The following PDE3A variants were observed in gnomAD, a reference collection of about 807,000 sequenced individuals.
The protein encoded by PDE3A is phosphodiesterase 3A.
PDE3A carries 43 observed loss-of-function variants against 98.3 expected under a neutral mutation model. That is an observed-to-expected ratio of 0.44 (90% confidence interval 0.34 to 0.56). PDE3A has a LOEUF of 0.56. Among genes scored for constraint, PDE3A ranks in the 20% least tolerant of loss-of-function variants. The pLI, the probability that PDE3A is intolerant of heterozygous loss-of-function variation, is 0.01. For synonymous variants in PDE3A, 663 were observed against 567.9 expected (o/e 1.17, Z -2.38); for missense variants, 1,427 against 1,440.7 (o/e 0.99, Z 0.15).
chr12:20,400,369 G>T (rs1282568207), intron 1 of PDE3A, among the ~76,000 whole-genome samples: 2 of 127,472 alleles, frequency 1.6e-5, no homozygotes, highest in African/African-American at 3.3e-5. Context: ...ATGTTGACTC[G>T]TTAACATTGG....
intron 15 of PDE3A, among the ~76,000 whole-genome samples, chr12:20,673,255 C>A (rs1349486937): frequency 6.6e-6 from 1 of 151,680 alleles, no homozygotes; most frequent in Admixed American, 6.6e-5. Context: ...GTTGGTGGGA[C>A]TGTAAACTAG....
intron 2 of PDE3A, among the ~76,000 whole-genome samples, chr12:20,584,850 AC>A (rs1943152970): frequency 6.6e-6 from 1 of 152,008 alleles, no homozygotes; most frequent in Admixed American, 6.6e-5. Context: ...AAAGCAAGCT[AC>A]CTGTTTTCTG....
intron 1 of PDE3A, among the ~76,000 whole-genome samples, chr12:20,386,039 A>T (rs1402549624): frequency 1.2e-5 from 1 of 80,674 alleles, no homozygotes; most frequent in African/African-American, 5.3e-5. Flanking sequence ...AAATATATAT[A>T]AAATATATAT....
rs746541255 is a variant in PDE3A at position 20,684,585 on chromosome 12, G to A, written c.*4314G>A. Among the ~76,000 whole-genome samples, 6 of 152,164 alleles carry A rather than the reference G, an allele frequency of 3.9e-5. No individual in the cohort carries two copies. Among genetic ancestry groups the A allele is most frequent in the Non-Finnish European group, 8.8e-5 (6 of 68,030 alleles). ...GTTTATTTCATTGATCGAACAAGCA[G>A]CAACACATTTTATGACCATTGTCCT... On this transcript the variant is annotated 3_prime_UTR_variant, in exon 16 of 16. Coordinates refer to ENST00000359062, the MANE Select transcript of PDE3A (RefSeq NM_000921.5).
At chr12:20,585,238 A>C (rs978936022) in intron 2 of PDE3A, among the ~76,000 whole-genome samples, 2 of 152,198 alleles carry the variant, frequency 1.3e-5, no homozygotes, top group African/African-American at 4.8e-5. Context: ...ATCAGCAGCT[A>C]CTAATGACCT....
intron 1 of PDE3A, among the ~76,000 whole-genome samples, chr12:20,386,120 T>TAAATATAA (rs1943779945): frequency 1.3e-5 from 1 of 76,194 alleles, no homozygotes; most frequent in Non-Finnish European, 2.2e-5. Context: ...TAAATATATA[T>TAAATATAA]AAATATATAT....
intron 1 of PDE3A, among the ~76,000 whole-genome samples, chr12:20,468,197 C>G (rs1945377156): frequency 6.6e-6 from 1 of 151,984 alleles, no homozygotes; most frequent in South Asian, 2.1e-4. Context: ...ATTTCTGAGT[C>G]TTCCCTTTCA....
chr12:20,392,505 TCATAAATAAATAAATAAATAAATAAATA>T lies in PDE3A; in HGVS notation c.960+22288_960+22315del, dbSNP rs966123854. On this transcript the variant is annotated intron_variant, in intron 1 of 15. Transcript: ENST00000359062. The stretch of plus-strand genomic sequence containing the variant: ...CTGGGCAACATAGTGAGATCCTGTC[TCATAAATAAATAAATAAATAAATAAATA>T]CATAAATAAATAAATAAATAAATAA... Among the ~76,000 whole-genome samples the T allele has an allele frequency of 3.3e-4, 44 of 134,794 alleles. 1 individual carries two copies. The South Asian group carries it at 0.01, about 31-fold the overall frequency. 88.4% of individuals were successfully genotyped at this position (134,794 alleles called of 152,430 possible). A position where few individuals can be genotyped will look rare whatever the true frequency, so the allele number is the denominator to read the frequency against.
rs372016027 is a variant in PDE3A at position 20,680,190 on chromosome 12, G to A, written c.3345G>A (p.Gln1115=). 1 of 1,613,738 alleles carries A rather than the reference G, an allele frequency of 6.2e-7. No homozygotes were observed. The highest frequency in any genetic ancestry group is 2.2e-5 in the East Asian group (1 of 44,876). The change falls in exon 16 of 16, where the codon CAG becomes CAA. Residue 1115 remains glutamine, a synonymous_variant. Transcript: ENST00000359062. ...CCCCTCAGTCGCACTCTTCAGAACA[G>A]ATCCAGGCTATCAAGGAAGAAGAAG... The part of the protein sequence containing the change: ...DQTPQSHSSE[Q]IQAIKEEEEE...
chr12:20,506,128 G>GTGTGTGTC lies in PDE3A; in HGVS notation c.961-50531_961-50530insGTGTGTCT, dbSNP rs377692430. 1.3e-3 allele frequency among the ~76,000 whole-genome samples: 187 copies of GTGTGTGTC among 146,914 alleles called. 1 individual carries two copies. The highest frequency in any genetic ancestry group is 4.4e-3 in the African/African-American group (173 of 39,476). ...TGTGTGTGTGTGTGTGTGTGTGTGT[G>GTGTGTGTC]TATGTGTGTGTAGCAGGTTAAACAA... On this transcript the variant is annotated intron_variant, in intron 1 of 15. Transcript: ENST00000359062.
chr12:20,531,584 C>T (rs765495650), intron 1 of PDE3A, among the ~76,000 whole-genome samples: 6 of 151,864 alleles, frequency 4.0e-5, no homozygotes, highest in African/African-American at 1.5e-4. Flanking sequence ...CTGTCTTATA[C>T]GTTTCTGTGA....
At chr12:20,438,350 G>T (rs1450763604) in intron 1 of PDE3A, among the ~76,000 whole-genome samples, 2 of 152,090 alleles carry the variant, frequency 1.3e-5, no homozygotes, top group African/African-American at 4.8e-5. Context: ...TGTTAAGGCA[G>T]GGTTGTCAGG....
Position 20,668,364 on chromosome 12 carries a change from G to C in PDE3A, c.3185-11666G>C, listed in dbSNP as rs1169349329. On this transcript the variant is annotated intron_variant, in intron 15 of 15. Transcript: ENST00000359062. Reference sequence around the variant, plus strand: ...AGCCCACCACAGCTCAAGGAGGCCTGCCTGCCTCTGTAGGCTCCACCTCTG... The same window carrying C: ...AGCCCACCACAGCTCAAGGAGGCCTCCCTGCCTCTGTAGGCTCCACCTCTG... 3.9e-5 allele frequency among the ~76,000 whole-genome samples: 6 copies of C among 152,142 alleles called. No individual in the cohort carries two copies. The East Asian group carries it at 1.2e-3, about 29-fold the overall frequency.
Position 20,473,386 on chromosome 12 carries a change from C to A in PDE3A, c.961-83274C>A, listed in dbSNP as rs150498647. Among the ~76,000 whole-genome samples the A allele has an allele frequency of 2.2e-4, 34 of 152,248 alleles. No homozygotes were observed. In the East Asian group the frequency reaches 6.4e-3, roughly 29 times the overall value. On this transcript the variant is annotated intron_variant, in intron 1 of 15. Coordinates refer to ENST00000359062, the MANE Select transcript of PDE3A (RefSeq NM_000921.5). ...TAGATTAGAGTTGGAGCTCAGGAATCTGTATTTTCAACATGTTTCCTGGTA... is the reference window on the plus strand; with the variant it reads ...TAGATTAGAGTTGGAGCTCAGGAATATGTATTTTCAACATGTTTCCTGGTA...
Position 20,388,671 on chromosome 12 carries a change from A to C in PDE3A, c.960+18427A>C, listed in dbSNP as rs541576475. Among the ~76,000 whole-genome samples, 197 of 152,130 alleles carry C rather than the reference A, an allele frequency of 1.3e-3. 1 individual carries two copies. Among genetic ancestry groups the C allele is most frequent in the Non-Finnish European group, 2.1e-3 (146 of 67,958 alleles). ...ATGATTTTTGTTTAAAGTAATGAGC[A>C]TGTTTTCTAAAAATGAGTAATTTCT... On this transcript the variant is annotated intron_variant, in intron 1 of 15. Coordinates refer to ENST00000359062, the MANE Select transcript of PDE3A (RefSeq NM_000921.5).
chr12:20,596,068 T>A (rs949747195), intron 2 of PDE3A, among the ~76,000 whole-genome samples: 2 of 152,192 alleles, frequency 1.3e-5, no homozygotes, highest in African/African-American at 4.8e-5. Context: ...TTTGCATAGA[T>A]CTTTGTCTTA....
chr12:20,662,802 T>A (rs1945208234), intron 15 of PDE3A, among the ~76,000 whole-genome samples: 1 of 152,152 alleles, frequency 6.6e-6, no homozygotes, highest in Non-Finnish European at 1.5e-5. Flanking sequence ...AAAAACCCAT[T>A]TTTTGAGGAG....
At chr12:20,567,156 G>C (rs1217758289) in intron 2 of PDE3A, among the ~76,000 whole-genome samples, 1 of 151,890 alleles carries the variant, frequency 6.6e-6, no homozygotes, top group African/African-American at 2.4e-5. Flanking sequence ...GCAACCTTGT[G>C]TATAGTGAAT....
intron 1 of PDE3A, among the ~76,000 whole-genome samples, chr12:20,502,252 A>T (rs188203395): frequency 1.5e-3 from 229 of 152,198 alleles, no homozygotes; most frequent in Admixed American, 2.4e-3. Flanking sequence ...AATGCTACTG[A>T]TCACTTCCAA....
Sources: allele counts gnomAD v4.1 joint callset (sites outside exome capture counted in the v4.1 genomes callset), GRCh38; gene constraint gnomAD v4.1.1; transcripts MANE v1.5; gene names NCBI Gene and HGNC (gene_info 2026-07-23, HGNC 2026-07-21).